The following ITSN2 variants were observed in gnomAD, a reference collection of about 807,000 sequenced individuals.
The protein encoded by ITSN2 is intersectin-2.
Under a neutral mutation model 243.7 loss-of-function variants are expected in ITSN2, and 156 were observed. That is an observed-to-expected ratio of 0.64 (90% CI 0.56 to 0.73). ITSN2 has a LOEUF of 0.73. Ranked by LOEUF, ITSN2 falls within the 30% of genes least tolerant of loss-of-function variation. The pLI is 0.00. For synonymous variants in ITSN2, 703 were observed against 699.9 expected, an observed-to-expected ratio of 1.00 and a Z score of -0.07; for missense variants, 1,801 against 1,996.1, an observed-to-expected ratio of 0.90 and a Z score of 1.86.
intron 25 of ITSN2, among the ~76,000 whole-genome samples, chr2:24,250,849 G>A (rs989412768): frequency 2.6e-5 from 4 of 151,980 alleles, no homozygotes; most frequent in Non-Finnish European, 2.9e-5. Flanking sequence ...AAATGTCACC[G>A]ACTGAATACA....
chr2:24,236,365 G>A (rs1672149132), intron 29 of ITSN2, among the ~76,000 whole-genome samples: 1 of 151,890 alleles, frequency 6.6e-6, no homozygotes, highest in Non-Finnish European at 1.5e-5. Flanking sequence ...GGAAATGGGG[G>A]TGATAGCTAA....
intron 17 of ITSN2, among the ~76,000 whole-genome samples, chr2:24,279,325 C>T (rs1230137630): frequency 6.6e-6 from 1 of 152,090 alleles, no homozygotes; most frequent in East Asian, 1.9e-4. Context: ...TTCTACTTTC[C>T]CTCTATGGAC....
chr2:24,224,872 T>C (rs1259210168), intron 29 of ITSN2, among the ~76,000 whole-genome samples: 2 of 152,312 alleles, frequency 1.3e-5, no homozygotes, highest in Non-Finnish European at 2.9e-5. Flanking sequence ...TCAAGTGCTC[T>C]GCCCATCTCG....
intron 2 of ITSN2, among the ~76,000 whole-genome samples, chr2:24,326,386 A>T (rs935348736): frequency 1.3e-5 from 2 of 152,214 alleles, no homozygotes; most frequent in Non-Finnish European, 2.9e-5. Context: ...AGAATAAAGA[A>T]GGACCGGGAC....
chr2:24,253,875 A>G (rs1674678698), intron 24 of ITSN2, among the ~76,000 whole-genome samples: 1 of 152,168 alleles, frequency 6.6e-6, no homozygotes, highest in Admixed American at 6.5e-5. Context: ...AATTAGGGTA[A>G]TCTTTCATTT....
chr2:24,210,656 G>T (rs1669387813), intron 34 of ITSN2, 124 bp downstream of exon 34: 1 of 741,524 alleles, frequency 1.3e-6, no homozygotes, highest in East Asian at 2.9e-5. Context: ...GCCTTTGCAG[G>T]GGCAGGGTGG....
Position 24,275,829 on chromosome 2 carries a change from G to C in ITSN2, c.1965C>G (p.Asn655Lys), listed in dbSNP as rs148952288. 399 of 1,607,060 alleles carry C rather than the reference G, an allele frequency of 2.5e-4. 3 individuals carry two copies. Among genetic ancestry groups the C allele is most frequent in the Non-Finnish European group, 5.0e-5 (59 of 1,177,230 alleles). Residue 655 changes from asparagine (N) to lysine (K), a missense_variant, in exon 18 of 40, where the codon AAC (asparagine) becomes AAG (lysine). Transcript: ENST00000355123. ...LLLKELRETY[N>K]TQQLALEQLY... ...GCTGTTCAAGGGCTAACTGCTGTGT[G>C]TTGTAGGTTTCTCTCAGTTCCTAAG...
intron 1 of ITSN2, among the ~76,000 whole-genome samples, chr2:24,340,566 A>T (rs1686941619): frequency 6.6e-6 from 1 of 151,998 alleles, no homozygotes; most frequent in South Asian, 2.1e-4. Context: ...AAGTCCCCTC[A>T]TGCTCCCTTC....
intron 1 of ITSN2, among the ~76,000 whole-genome samples, chr2:24,339,152 C>T (rs567934962): frequency 6.6e-5 from 10 of 152,178 alleles, no homozygotes; most frequent in Non-Finnish European, 1.3e-4. Context: ...AAAAACTGTG[C>T]GATTTGAGAG....
intron 37 of ITSN2, chr2:24,206,278 G>C: frequency 2.3e-6 from 1 of 435,138 alleles, no homozygotes; most frequent in Non-Finnish European, 4.7e-6. Context: ...GGGGAAACCT[G>C]AATAAAAAAA....
In ITSN2 at chr2:24,293,719, T is replaced by G; in HGVS notation, c.1692A>C (p.Arg564Ser). 1 of 1,269,474 alleles carries G rather than the reference T, an allele frequency of 7.9e-7. No homozygotes were observed. The highest frequency in any genetic ancestry group is 1.1e-6 in the Non-Finnish European group (1 of 906,262). The allele number at this position is 1,269,474 out of a possible 1,614,324, so 78.6% of individuals were successfully genotyped here. Reference protein sequence around the residue: ...LVPEKQLLNERIKNMQFSNTP... With the variant: ...LVPEKQLLNESIKNMQFSNTP... ...TGTTACTGAACTGCATGTTTTTAAT[T>G]CTTTCATTTAATAATTGCTTCTCAG... Residue 564 changes from arginine (R) to serine (S), a missense_variant, in exon 15 of 40, where the codon AGA becomes AGC. By Grantham distance (110) the Arg-to-Ser change is moderately radical. This residue lies in a region of ITSN2 where 787 missense variants were observed against 803.9 expected (regional missense o/e 0.98). Transcript: ENST00000355123.
intron 24 of ITSN2, among the ~76,000 whole-genome samples, chr2:24,254,125 A>G (rs1024227633): frequency 3.3e-5 from 5 of 152,218 alleles, no homozygotes; most frequent in African/African-American, 1.2e-4. Context: ...AAACCAGTCT[A>G]TGCTGAATTT....
intron 37 of ITSN2, among the ~76,000 whole-genome samples, chr2:24,206,087 T>C (rs1668828358): frequency 6.6e-6 from 1 of 152,078 alleles, no homozygotes; most frequent in African/African-American, 2.4e-5. Context: ...CAGATGCTGA[T>C]GGGAAGCAAA....
At position 24,251,325 on chromosome 2, in the gene ITSN2, T is replaced by TAAAAAAATAAAAAAAA. The variant is rs1165033997; in HGVS notation, c.3120+1019_3120+1020insTTTTTTTTATTTTTTT. ...ACTCCATCTCAAAAAAAAAAAAAAA[T>TAAAAAAATAAAAAAAA]AAAATATATATATATATATATATGT... On this transcript the variant is annotated intron_variant, in intron 25 of 39. Transcript: ENST00000355123. Among the ~76,000 whole-genome samples, 8 of 3,392 alleles carry TAAAAAAATAAAAAAAA rather than the reference T, an allele frequency of 2.4e-3. 3 individuals are homozygous for TAAAAAAATAAAAAAAA. The highest frequency in any genetic ancestry group is 6.9e-3 in the African/African-American group (8 of 1,164). 2.2% of individuals were successfully genotyped at this position (3,392 alleles called of 152,430 possible). A position where few individuals can be genotyped will look rare whatever the true frequency, so the allele number is the denominator to read the frequency against.
intron 17 of ITSN2, among the ~76,000 whole-genome samples, chr2:24,282,336 T>C (rs1429734647): frequency 2.0e-5 from 3 of 152,130 alleles, no homozygotes; most frequent in African/African-American, 7.2e-5. Context: ...GCCAGAGCAG[T>C]GAGAAATCAG....
rs950660774 is a variant in ITSN2, at chr2:24,254,102, G to C, written c.2953+265C>G. ...AATAATTGCAACACTTTTTATTTATGATGTTATTCATCAAACCAGTCTATG... is the reference window on the plus strand; with the variant it reads ...AATAATTGCAACACTTTTTATTTATCATGTTATTCATCAAACCAGTCTATG... On this transcript the variant is annotated intron_variant, in intron 24 of 39. Coordinates refer to ENST00000355123, the MANE Select transcript of ITSN2 (RefSeq NM_006277.3). 2.6e-5 allele frequency among the ~76,000 whole-genome samples: 4 copies of C among 152,208 alleles called. No homozygotes were observed. The South Asian group carries it at 6.2e-4, about 24-fold the overall frequency.
At chr2:24,284,144 CTTT>C (rs1679174130) in intron 17 of ITSN2, among the ~76,000 whole-genome samples, 2 of 152,298 alleles carry the variant, frequency 1.3e-5, no homozygotes. Context: ...AAGCACATTT[CTTT>C]AAGCTCTATT....
intron 14 of ITSN2, among the ~76,000 whole-genome samples, chr2:24,295,338 G>A (rs542982413): frequency 1.8e-4 from 28 of 152,168 alleles, no homozygotes; most frequent in Non-Finnish European, 3.1e-4. Context: ...ATGGAATCTC[G>A]CTCTATCATC....
At chr2:24,230,827 A>C (rs1671519819) in intron 29 of ITSN2, among the ~76,000 whole-genome samples, 1 of 152,176 alleles carries the variant, frequency 6.6e-6, no homozygotes, top group African/African-American at 2.4e-5. Context: ...TTCTCACTCC[A>C]AACAAAAGCC....
Sources: allele counts gnomAD v4.1 joint callset (sites outside exome capture counted in the v4.1 genomes callset), GRCh38; gene constraint gnomAD v4.1.1; regional missense constraint gnomAD v4.1.1; transcripts MANE v1.5; gene names NCBI Gene and HGNC (gene_info 2026-07-23, HGNC 2026-07-21).